The following GPC6 variants were observed in gnomAD, a reference collection of about 807,000 sequenced individuals.
The protein encoded by GPC6 is glypican-6.
GPC6 carries 14 observed loss-of-function variants against 55.2 expected under a neutral mutation model. That is an observed-to-expected ratio of 0.25 (90% CI 0.17 to 0.40). The LOEUF (loss-of-function observed/expected upper bound fraction) is 0.40, where lower values mean the gene tolerates loss of function less well. GPC6 is among the 10% of genes least tolerant of loss of function. The pLI is 1.00. For synonymous variants in GPC6, 278 were observed against 259.6 expected, an observed-to-expected ratio of 1.07 and a Z score of -0.68; for missense variants, 641 against 708.5, an observed-to-expected ratio of 0.90 and a Z score of 1.08.
chr13:93,882,128 ATATTTTTGTTTTTGTTT>A (rs1875024188), intron 3 of GPC6, among the ~76,000 whole-genome samples: 1 of 82,674 alleles, frequency 1.2e-5, no homozygotes, highest in East Asian at 3.0e-4. Context: ...TTTTTTATTT[ATATTTTTGTTTTTGTTT>A]TATTTTTGTT....
At chr13:93,870,096 C>A (rs192884689) in intron 3 of GPC6, among the ~76,000 whole-genome samples, 7 of 151,974 alleles carry the variant, frequency 4.6e-5, no homozygotes, top group South Asian at 4.2e-4. Flanking sequence ...AAGTGAAGCA[C>A]CCTGACTTTC....
chr13:94,020,944 A>C (rs771192318), intron 3 of GPC6, among the ~76,000 whole-genome samples: 3 of 152,140 alleles, frequency 2.0e-5, no homozygotes, highest in Admixed American at 6.6e-5. Context: ...ATGTAATTTA[A>C]TCATTCTTTA....
chr13:93,546,647 G>T (rs2139435591), intron 2 of GPC6, among the ~76,000 whole-genome samples: 1 of 152,278 alleles, frequency 6.6e-6, no homozygotes, highest in South Asian at 2.1e-4. Context: ...TCCCTTAAAT[G>T]CAGCTAGGGA....
intron 2 of GPC6, among the ~76,000 whole-genome samples, chr13:93,663,516 C>T (rs1312352937): frequency 6.6e-6 from 1 of 152,104 alleles, no homozygotes; most frequent in Non-Finnish European, 1.5e-5. Context: ...GTAGATATAT[C>T]TGCCTCTAAG....
At chr13:93,735,114 AAT>A (rs1883951021) in intron 2 of GPC6, among the ~76,000 whole-genome samples, 1 of 152,180 alleles carries the variant, frequency 6.6e-6, no homozygotes, top group Admixed American at 6.6e-5. Flanking sequence ...CAATAAAGAT[AAT>A]TACTGTTGTA....
intron 4 of GPC6, among the ~76,000 whole-genome samples, chr13:94,280,649 G>A (rs1447066971): frequency 1.3e-5 from 2 of 152,048 alleles, no homozygotes; most frequent in Admixed American, 1.3e-4. Context: ...GGGCCAATGA[G>A]TGCATTTATC....
intron 2 of GPC6, among the ~76,000 whole-genome samples, chr13:93,567,556 C>T (rs1321212537): frequency 6.6e-6 from 1 of 151,868 alleles, no homozygotes; most frequent in Non-Finnish European, 1.5e-5. Context: ...ATCTCCTGAC[C>T]TCATGATCTG....
In GPC6 at chr13:93,367,549, C is replaced by CT. The variant is rs140147940; in HGVS notation, c.160+139936dup. On this transcript the variant is annotated intron_variant, in intron 1 of 8. Transcript: ENST00000377047. The stretch of plus-strand genomic sequence containing the variant: ...GGGTGCTTAGATAACTGATTTGAGA[C>CT]TTTCCCTTTTTTCAGTGTATGCATT... 7.9e-3 allele frequency among the ~76,000 whole-genome samples: 1,195 copies of CT among 152,086 alleles called. 17 individuals are homozygous for CT. Among genetic ancestry groups the CT allele is most frequent in the African/African-American group, 0.027 (1,111 of 41,518 alleles).
Position 93,799,607 on chromosome 13 carries a change from A to G in GPC6, c.320-30547A>G, listed in dbSNP as rs188728398. 4.7e-3 allele frequency among the ~76,000 whole-genome samples: 714 copies of G among 152,314 alleles called. 7 individuals carry two copies. Among genetic ancestry groups the G allele is most frequent in the African/African-American group, 0.016 (675 of 41,576 alleles). On this transcript the variant is annotated intron_variant, in intron 2 of 8. Transcript: ENST00000377047. ...GATTATCTGGCATAGTAGAAGGCAC[A>G]TCGGATCTGGGGTTAGACAACTGGA...
intron 4 of GPC6, among the ~76,000 whole-genome samples, chr13:94,217,675 A>G (rs987648949): frequency 6.6e-6 from 1 of 152,212 alleles, no homozygotes; most frequent in Non-Finnish European, 1.5e-5. Flanking sequence ...CCCCTCTAAC[A>G]GAACAAAGCA....
chr13:94,147,244 A>G (rs1440419000), intron 4 of GPC6, among the ~76,000 whole-genome samples: 3 of 151,928 alleles, frequency 2.0e-5, no homozygotes, highest in Non-Finnish European at 4.4e-5. Flanking sequence ...TTCCTATCTC[A>G]ACTCTCCTTA....
chr13:94,198,273 T>C (rs1199780248), intron 4 of GPC6, among the ~76,000 whole-genome samples: 1 of 152,148 alleles, frequency 6.6e-6, no homozygotes, highest in African/African-American at 2.4e-5. Flanking sequence ...CTAATGCAGG[T>C]AATGGATTGA....
At chr13:94,342,115 G>A (rs1878071153) in intron 6 of GPC6, among the ~76,000 whole-genome samples, 1 of 152,216 alleles carries the variant, frequency 6.6e-6, no homozygotes, top group Non-Finnish European at 1.5e-5. Flanking sequence ...CCTCCCAGAT[G>A]CTTCTTCTCA....
At chr13:93,726,186 A>G (rs902432474) in intron 2 of GPC6, among the ~76,000 whole-genome samples, 1 of 149,576 alleles carries the variant, frequency 6.7e-6, no homozygotes, top group Non-Finnish European at 1.5e-5. Flanking sequence ...GAGGCTATTT[A>G]TTTTTCTTCT....
chr13:93,676,123 AAAAATATATATAT>A (rs1305937695), intron 2 of GPC6, among the ~76,000 whole-genome samples: 30 of 13,386 alleles, frequency 2.2e-3, no homozygotes, highest in Non-Finnish European at 3.4e-3. Context: ...AAAAAAAAAA[AAAAATATATATAT>A]ATATATATAT....
chr13:93,655,509 G>A (rs776135726), intron 2 of GPC6, among the ~76,000 whole-genome samples: 6 of 152,128 alleles, frequency 3.9e-5, no homozygotes, highest in Non-Finnish European at 8.8e-5. Context: ...GTCAGTGAAT[G>A]ATGGATCCCA....
At chr13:93,978,080 G>A (rs1048008867) in intron 3 of GPC6, among the ~76,000 whole-genome samples, 4 of 152,126 alleles carry the variant, frequency 2.6e-5, no homozygotes, top group African/African-American at 7.2e-5. Flanking sequence ...GAAGATGGTC[G>A]ACAAGAAGGT....
At chr13:93,823,332 T>C (rs1887121952) in intron 2 of GPC6, among the ~76,000 whole-genome samples, 1 of 152,166 alleles carries the variant, frequency 6.6e-6, no homozygotes, top group Non-Finnish European at 1.5e-5. Context: ...GCCATCCTGC[T>C]GTCTTGTTCT....
chr13:93,780,385 G>A (rs1045101649), intron 2 of GPC6, among the ~76,000 whole-genome samples: 2 of 152,016 alleles, frequency 1.3e-5, no homozygotes, highest in East Asian at 1.9e-4. Context: ...AATTAGCTTA[G>A]CCATCATTGT....
Sources: gnomAD v4.1 joint callset for allele counts (sites outside exome capture counted in the v4.1 genomes callset) on GRCh38, gnomAD v4.1.1 for gene constraint, MANE v1.5 for transcripts, NCBI Gene and HGNC (gene_info 2026-07-23, HGNC 2026-07-21) for gene names.